The following ENPP6 variants were observed in gnomAD, a reference collection of about 807,000 sequenced individuals.
ENPP6 encodes the protein glycerophosphocholine cholinephosphodiesterase ENPP6.
ENPP6 carries 32 observed loss-of-function variants against 42.0 expected under a neutral mutation model. The observed-to-expected ratio is 0.76, with a 90% CI of 0.58 to 1.02. ENPP6 has a LOEUF of 1.02. Among genes scored for constraint, ENPP6 ranks in the 50% least tolerant of loss-of-function variants. ENPP6 has a pLI of 0.00. For missense variants in ENPP6, 552 were observed against 566.8 expected, an observed-to-expected ratio of 0.97 and a Z score of 0.27; for synonymous variants, 213 against 216.0, an observed-to-expected ratio of 0.99 and a Z score of 0.12.
At chr4:184,143,441 G>A (rs940717486) in intron 2 of ENPP6, among the ~76,000 whole-genome samples, 7 of 152,218 alleles carry the variant, frequency 4.6e-5, no homozygotes, top group African/African-American at 1.4e-4. Flanking sequence ...GCAGCAGCCC[G>A]GCACCAGCTC....
intron 1 of ENPP6, among the ~76,000 whole-genome samples, chr4:184,175,737 A>G (rs1737549925): frequency 6.6e-6 from 1 of 152,022 alleles, no homozygotes; most frequent in South Asian, 2.1e-4. Context: ...TCTTTATTCT[A>G]CCCCAAAGGT....
intron 5 of ENPP6, among the ~76,000 whole-genome samples, chr4:184,113,951 CTT>C (rs1396977788): frequency 5.4e-5 from 7 of 129,862 alleles, no homozygotes; most frequent in Non-Finnish European, 6.8e-5. Context: ...TTCTTTCTTT[CTT>C]TCTTTCTTTC....
Sources: allele counts gnomAD v4.1 joint callset (sites outside exome capture counted in the v4.1 genomes callset), GRCh38; gene constraint gnomAD v4.1.1; transcripts MANE v1.5; gene names NCBI Gene and HGNC (gene_info 2026-07-23, HGNC 2026-07-21).